PPP2R2B: variants seen among roughly 807,000 people sequenced by gnomAD.
PPP2R2B encodes serine/threonine-protein phosphatase 2A 55 kDa regulatory subunit B beta isoform.
Under a neutral mutation model 46.0 loss-of-function variants are expected in PPP2R2B, and 5 were observed. The observed-to-expected ratio is 0.11, with a 90% confidence interval of 0.06 to 0.23. The LOEUF (loss-of-function observed/expected upper bound fraction) is 0.23. Among genes scored for constraint, PPP2R2B ranks in the 10% least tolerant of loss-of-function variants. The pLI, the probability that PPP2R2B is intolerant of heterozygous loss-of-function variation, is 1.00. For missense variants in PPP2R2B, 367 were observed against 575.0 expected (o/e 0.64, Z 3.70); for synonymous variants, 215 against 206.7 (o/e 1.04, Z -0.34).
intron 1 of PPP2R2B, among the ~76,000 whole-genome samples, chr5:146,937,077 G>A (rs917196785): frequency 6.6e-6 from 1 of 152,086 alleles, no homozygotes; most frequent in Non-Finnish European, 1.5e-5. Flanking sequence ...CAAGGCGGGC[G>A]GATGACCTGA....
intron 1 of PPP2R2B, among the ~76,000 whole-genome samples, chr5:147,021,653 C>G (rs1391564146): frequency 6.6e-6 from 1 of 152,144 alleles, no homozygotes; most frequent in Non-Finnish European, 1.5e-5. Context: ...TAGATTCATT[C>G]AAGCAAACCT....
intron 5 of PPP2R2B, among the ~76,000 whole-genome samples, chr5:146,676,896 C>T (rs944370212): frequency 4.6e-5 from 7 of 152,144 alleles, no homozygotes; most frequent in South Asian, 4.1e-4. Flanking sequence ...AGTAGTGCAA[C>T]GGCATATCTA....
chr5:147,022,673 G>T (rs1002251709), intron 1 of PPP2R2B, among the ~76,000 whole-genome samples: 2 of 151,924 alleles, frequency 1.3e-5, no homozygotes, highest in Non-Finnish European at 2.9e-5. Context: ...TAATAAAATT[G>T]CTGAAAACCA....
intron 1 of PPP2R2B, among the ~76,000 whole-genome samples, chr5:147,009,864 TACACACACAC>T (rs201299020): frequency 1.5e-5 from 2 of 136,570 alleles, no homozygotes; most frequent in Non-Finnish European, 3.2e-5. Context: ...CACACACACA[TACACACACAC>T]ACACACACAC....
At chr5:147,072,672 A>G (rs1398753079) in intron 2 of PPP2R2B, among the ~76,000 whole-genome samples, 1 of 152,184 alleles carries the variant, frequency 6.6e-6, no homozygotes, top group Admixed American at 6.5e-5. Flanking sequence ...AAGGAGTCTG[A>G]TCTCGTAAAA....
intron 5 of PPP2R2B, among the ~76,000 whole-genome samples, chr5:146,667,324 G>A (rs11960236): frequency 2.1e-4 from 2 of 9,416 alleles, no homozygotes; most frequent in African/African-American, 4.1e-4. Context: ...AGGAATAGGC[G>A]TGCGCGCGCA....
At chr5:146,732,338 T>C (rs1752282512) in intron 2 of PPP2R2B, among the ~76,000 whole-genome samples, 1 of 152,184 alleles carries the variant, frequency 6.6e-6, no homozygotes, top group Non-Finnish European at 1.5e-5. Context: ...TGATAAATGA[T>C]AATATTTAGT....
In PPP2R2B at chr5:146,896,922, A is replaced by G. The variant is rs570793983; in HGVS notation, c.79+158743T>C. On this transcript the variant is annotated intron_variant, in intron 1 of 8. Transcript: ENST00000336640. ...GATATAGAAGTGGACCAGCTAAGAA[A>G]TGCTGGCTTAGCCTCTTAAGAAGGT... Among the ~76,000 whole-genome samples, 5 of 152,264 alleles carry G rather than the reference A, an allele frequency of 3.3e-5. No individual in the cohort carries two copies. The South Asian group carries it at 8.3e-4, about 25-fold the overall frequency.
intron 7 of PPP2R2B, among the ~76,000 whole-genome samples, chr5:146,604,770 A>G (rs960944188): frequency 6.6e-6 from 1 of 152,200 alleles, no homozygotes; most frequent in Non-Finnish European, 1.5e-5. Flanking sequence ...TCAGTAAGTC[A>G]CCAGGATCAT....
At chr5:146,776,386 C>A (rs1328950983) in intron 2 of PPP2R2B, among the ~76,000 whole-genome samples, 1 of 152,032 alleles carries the variant, frequency 6.6e-6, no homozygotes, top group South Asian at 2.1e-4. Flanking sequence ...GGTGTCAAGA[C>A]CATTCATTGA....
chr5:146,982,395 G>C (rs1430988557), intron 1 of PPP2R2B, among the ~76,000 whole-genome samples: 4 of 151,926 alleles, frequency 2.6e-5, no homozygotes, highest in Admixed American at 6.6e-5. Context: ...ACTCCATTTT[G>C]GCCAGAGAAC....
At chr5:146,637,559 C>A (rs1479329136) in intron 7 of PPP2R2B, among the ~76,000 whole-genome samples, 1 of 152,212 alleles carries the variant, frequency 6.6e-6, no homozygotes, top group African/African-American at 2.4e-5. Context: ...TGCCTTCCAT[C>A]TGAACAATTT....
At chr5:146,920,092 C>T (rs779421818) in intron 1 of PPP2R2B, among the ~76,000 whole-genome samples, 3 of 152,232 alleles carry the variant, frequency 2.0e-5, no homozygotes, top group East Asian at 1.9e-4. Context: ...ATATGTGGCA[C>T]ATAATCAGGC....
chr5:146,784,071 A>G (rs1480341177), intron 2 of PPP2R2B, among the ~76,000 whole-genome samples: 1 of 152,192 alleles, frequency 6.6e-6, no homozygotes, highest in African/African-American at 2.4e-5. Context: ...ATCTTATGCA[A>G]TAAAAAGAAC....
At chr5:146,964,682 C>T (rs991360525) in intron 1 of PPP2R2B, among the ~76,000 whole-genome samples, 16 of 152,040 alleles carry the variant, frequency 1.1e-4, no homozygotes, top group African/African-American at 2.2e-4. Context: ...CCCGCCACCA[C>T]GCCAGGCTAA....
chr5:146,656,147 C>T (rs1776317917), intron 5 of PPP2R2B, among the ~76,000 whole-genome samples: 1 of 152,110 alleles, frequency 6.6e-6, no homozygotes, highest in South Asian at 2.1e-4. Flanking sequence ...TGTATGTGTA[C>T]ATGAGGAAAA....
chr5:146,729,546 A>C (rs1021410162), intron 2 of PPP2R2B, among the ~76,000 whole-genome samples: 1 of 152,132 alleles, frequency 6.6e-6, no homozygotes, highest in Non-Finnish European at 1.5e-5. Context: ...CCCTCCCATC[A>C]CAGGCCCAGA....
chr5:146,670,515 A>ATTTATTATTATTCT (rs1777278740), intron 5 of PPP2R2B, among the ~76,000 whole-genome samples: 1 of 151,610 alleles, frequency 6.6e-6, no homozygotes, highest in African/African-American at 2.4e-5. Context: ...TTATTTATTG[A>ATTTATTATTATTCT]GACAGAATCT....
At chr5:146,713,601 T>C (rs887910304) in intron 2 of PPP2R2B, among the ~76,000 whole-genome samples, 1 of 152,112 alleles carries the variant, frequency 6.6e-6, no homozygotes, top group Admixed American at 6.5e-5. Context: ...GGGAAGTGTA[T>C]TGAGATAATC....
Sources: allele counts gnomAD v4.1 joint callset (sites outside exome capture counted in the v4.1 genomes callset), GRCh38; gene constraint gnomAD v4.1.1; transcripts MANE v1.5; gene names NCBI Gene and HGNC (gene_info 2026-07-23, HGNC 2026-07-21).